SNX6: variants seen among roughly 807,000 people sequenced by gnomAD.
SNX6 encodes sorting nexin 6, also known as sorting nexin-6.
SNX6 carries 34 observed loss-of-function variants against 63.0 expected under a neutral mutation model. That is an observed-to-expected ratio of 0.54 (90% CI 0.41 to 0.72). The LOEUF is 0.72. SNX6 is among the 30% of genes least tolerant of loss of function. The probability of loss-of-function intolerance (pLI) is 0.00; values close to 1 mark genes in which losing one functional copy is unlikely to be tolerated. For missense variants in SNX6, 398 were observed against 471.4 expected (o/e 0.84, Z 1.44); for synonymous variants, 170 against 164.2 (o/e 1.04, Z -0.27).
At chr14:34,597,366 C>T (rs979505047) in intron 7 of SNX6, among the ~76,000 whole-genome samples, 184 bp downstream of exon 7, 3 of 152,152 alleles carry the variant, frequency 2.0e-5, no homozygotes, top group Non-Finnish European at 2.9e-5. Flanking sequence ...ACTTCTCATC[C>T]GTTGCAGAAG....
intron 2 of SNX6, among the ~76,000 whole-genome samples, chr14:34,618,365 G>GA (rs1555328537): frequency 1.2e-5 from 1 of 83,010 alleles, no homozygotes; most frequent in African/African-American, 1.4e-4. Context: ...TTTTTGGGGA[G>GA]GGGGGGATGG....
chr14:34,583,431 T>TTTTTCC (rs1882022396), intron 9 of SNX6, among the ~76,000 whole-genome samples: 2 of 119,310 alleles, frequency 1.7e-5, no homozygotes, highest in African/African-American at 3.3e-5. Flanking sequence ...GGTTATTCAT[T>TTTTTCC]TTTTTCTTTT....
In SNX6 at chr14:34,594,510, C is replaced by T. The variant is rs894761013; in HGVS notation, c.613-1360G>A. On this transcript the variant is annotated intron_variant, in intron 7 of 13. Coordinates refer to ENST00000362031, the MANE Select transcript of SNX6 (RefSeq NM_152233.4). ...CTGGGACTACAGGCGCATGCCACAA[C>T]GCCAAGCTAATTTTTGTATTTTTTA... is the stretch of plus-strand genomic sequence containing the variant. Among the ~76,000 whole-genome samples, 11 of 151,936 alleles carry T rather than the reference C, an allele frequency of 7.2e-5. No individual in the cohort carries two copies. In the East Asian group the frequency reaches 9.7e-4, roughly 13 times the overall value.
At position 34,625,689 on chromosome 14, in the gene SNX6, T is replaced by A. The variant is rs971964187; in HGVS notation, c.54+4218A>T. Among the ~76,000 whole-genome samples, 8 of 151,904 alleles carry A rather than the reference T, an allele frequency of 5.3e-5. No individual in the cohort carries two copies. In the South Asian group the frequency reaches 1.0e-3, roughly 20 times the overall value. On this transcript the variant is annotated intron_variant, in intron 2 of 13. Coordinates refer to ENST00000362031, the MANE Select transcript of SNX6 (RefSeq NM_152233.4). Reference sequence around the variant, plus strand: ...GGTGGAGGTTGCAGTGAGCCAAGATTGCCACTGCACCCCAGCGTGGGCAAC... The same window carrying A: ...GGTGGAGGTTGCAGTGAGCCAAGATAGCCACTGCACCCCAGCGTGGGCAAC...
At chr14:34,568,801 C>A (rs1297672281) in intron 11 of SNX6, 4 of 990,594 alleles carry the variant, frequency 4.0e-6, no homozygotes, top group Non-Finnish European at 6.4e-6. Context: ...CATTTTTAGC[C>A]CCTCCAGGGC....
intron 8 of SNX6, among the ~76,000 whole-genome samples, chr14:34,587,450 G>A (rs999323862): frequency 3.1e-4 from 46 of 148,680 alleles, no homozygotes; most frequent in South Asian, 6.3e-4. Flanking sequence ...GGAGAATGGC[G>A]TGAACCCGGG....
intron 2 of SNX6, among the ~76,000 whole-genome samples, chr14:34,625,611 T>C (rs1883796706): frequency 6.6e-6 from 1 of 152,082 alleles, no homozygotes. Context: ...GGCGGGCACC[T>C]ATAATCCCAG....
chr14:34,604,373 G>A (rs1882938534), intron 5 of SNX6: 1 of 976,436 alleles, frequency 1.0e-6, no homozygotes, highest in Non-Finnish European at 1.3e-6. Context: ...TATAAACTTT[G>A]AATATATATC....
At chr14:34,625,697 C>T (rs1883800585) in intron 2 of SNX6, among the ~76,000 whole-genome samples, 1 of 151,974 alleles carries the variant, frequency 6.6e-6, no homozygotes, top group South Asian at 2.1e-4. Context: ...ATTGCCACTG[C>T]ACCCCAGCGT....
In SNX6 at chr14:34,597,613, T is replaced by C; in HGVS notation, c.549A>G (p.Lys183=). The C allele has an allele frequency of 1.2e-6, 2 of 1,607,130 alleles. No individual in the cohort carries two copies. The highest frequency in any genetic ancestry group is 1.7e-6 in the Non-Finnish European group (2 of 1,175,918). Residue 183 remains lysine, a synonymous_variant, in exon 7 of 14, where the codon AAA becomes AAG. Transcript: ENST00000362031. The stretch of plus-strand genomic sequence containing the variant: ...CCATGTTTTTAAAGAAGTCTTCAAG[T>C]TTCTCTTTTTTATTTTTTCCTCGCA... ...LSVRGKNKKE[K]LEDFFKNMVK...
intron 13 of SNX6, among the ~76,000 whole-genome samples, chr14:34,566,249 T>C (rs1881178606): frequency 6.6e-6 from 1 of 152,258 alleles, no homozygotes; most frequent in Non-Finnish European, 1.5e-5. Context: ...TTTTTCTTTT[T>C]GGCATCCAGG....
rs905166517 is a variant in SNX6, at chr14:34,587,822, C to T, written c.719-1517G>A. ...AATTTTTTTTTTTTTTTTTTTTTGG[C>T]GGGGGAGGGATAAGGCCTGACTCTG... On this transcript the variant is annotated intron_variant, in intron 8 of 13. Transcript: ENST00000362031. Among the ~76,000 whole-genome samples the T allele has an allele frequency of 3.8e-3, 342 of 89,776 alleles. 5 individuals carry two copies. Among genetic ancestry groups the T allele is most frequent in the African/African-American group, 0.014 (333 of 23,810 alleles). 58.9% of individuals were successfully genotyped at this position (89,776 alleles called of 152,430 possible).
chr14:34,588,253 C>A (rs923367665), intron 8 of SNX6, among the ~76,000 whole-genome samples: 1 of 152,022 alleles, frequency 6.6e-6, no homozygotes, highest in Non-Finnish European at 1.5e-5. Flanking sequence ...GTGATCGGCC[C>A]GCCTTAGCTT....
Position 34,563,003 on chromosome 14 carries a change from G to A in SNX6, c.*119C>T. The A allele has an allele frequency of 1.0e-6, 1 of 974,794 alleles. No individual in the cohort carries two copies. Among genetic ancestry groups the A allele is most frequent in the Non-Finnish European group, 1.6e-6 (1 of 630,204 alleles). 60.4% of individuals were successfully genotyped at this position (974,794 alleles called of 1,614,324 possible). ...GTTTCTCAGAAAAAGAGGAGTTGATGCACTTTTTCAGCTGCTTTTTGTTTG... is the reference window on the plus strand; with the variant it reads ...GTTTCTCAGAAAAAGAGGAGTTGATACACTTTTTCAGCTGCTTTTTGTTTG... On this transcript the variant is annotated 3_prime_UTR_variant, in exon 14 of 14. Coordinates refer to ENST00000362031, the MANE Select transcript of SNX6 (RefSeq NM_152233.4).
chr14:34,619,222 G>GT (rs1883534327), intron 2 of SNX6, among the ~76,000 whole-genome samples: 1 of 152,156 alleles, frequency 6.6e-6, no homozygotes, highest in Non-Finnish European at 1.5e-5. Flanking sequence ...AGGAGTCTGA[G>GT]ACCAGCCTGG....
In SNX6 at chr14:34,630,131, G is replaced by T. The variant is rs945339499; in HGVS notation, c.-15C>A. The T allele has an allele frequency of 1.5e-6, 2 of 1,335,332 alleles. No individual in the cohort carries two copies. The highest frequency in any genetic ancestry group is 2.0e-5 in the South Asian group (1 of 50,726). 82.7% of individuals were successfully genotyped at this position (1,335,332 alleles called of 1,614,324 possible). A position where few individuals can be genotyped will look rare whatever the true frequency, so the allele number is the denominator to read the frequency against. On this transcript the variant is annotated 5_prime_UTR_variant, in exon 1 of 14. Transcript: ENST00000362031. The stretch of plus-strand genomic sequence containing the variant: ...CCCACCATCATGGCTGCTCCGAGGC[G>T]AGGGCCGGCGCAGGCGCGCATCTCC...
At position 34,630,134 on chromosome 14, in the gene SNX6, G is replaced by A. The variant is rs944019725; in HGVS notation, c.-18C>T. 2.3e-5 allele frequency: 31 copies of A among 1,326,250 alleles called. No individual in the cohort carries two copies. In the South Asian group the frequency reaches 3.7e-4, roughly 16 times the overall value. The allele number at this position is 1,326,250 out of a possible 1,614,324, so 82.2% of individuals were successfully genotyped here. On this transcript the variant is annotated 5_prime_UTR_variant, in exon 1 of 14. Transcript: ENST00000362031. ...ACCATCATGGCTGCTCCGAGGCGAG[G>A]GCCGGCGCAGGCGCGCATCTCCCTG...
chr14:34,591,230 T>TAC (rs1855278479), intron 8 of SNX6, among the ~76,000 whole-genome samples: 1 of 150,522 alleles, frequency 6.6e-6, no homozygotes, highest in Non-Finnish European at 1.5e-5. Context: ...ACAAAGCTGT[T>TAC]AAAAAAAAAA....
At position 34,630,111 on chromosome 14, in the gene SNX6, C is replaced by T; in HGVS notation, c.6G>A (p.Met2Ile). 7.0e-7 allele frequency: 1 copy of T among 1,428,342 alleles called. No individual in the cohort carries two copies. Among genetic ancestry groups the T allele is most frequent in the Non-Finnish European group, 9.1e-7 (1 of 1,101,846 alleles). The allele number at this position is 1,428,342 out of a possible 1,614,324, so 88.5% of individuals were successfully genotyped here. Residue 2 changes from methionine (M) to isoleucine (I), a missense_variant and splice_region_variant, in exon 1 of 14, where the codon ATG becomes ATA. Physicochemically the swap from Met to Ile is conservative, Grantham distance 10. Transcript: ENST00000362031. Reference sequence around the variant, plus strand: ...ACTCGGCGCCGCGGAGAACACCCACCATCATGGCTGCTCCGAGGCGAGGGC... The same window carrying T: ...ACTCGGCGCCGCGGAGAACACCCACTATCATGGCTGCTCCGAGGCGAGGGC... M[M>I]EGLDDGPDFL...
Sources: gnomAD v4.1 joint callset for allele counts (sites outside exome capture counted in the v4.1 genomes callset) on GRCh38, gnomAD v4.1.1 for gene constraint, MANE v1.5 for transcripts, NCBI Gene and HGNC (gene_info 2026-07-23, HGNC 2026-07-21) for gene names.